CRYBG1: variants seen among roughly 807,000 people sequenced by gnomAD.
CRYBG1 encodes the protein crystallin beta-gamma domain containing 1, also known as beta/gamma crystallin domain-containing protein 1.
In CRYBG1, 139 loss-of-function variants were observed where a neutral mutation model predicts 189.2. The observed-to-expected ratio is 0.73, with a 90% CI of 0.64 to 0.85. CRYBG1 has a LOEUF of 0.85. Ranked by LOEUF, CRYBG1 falls within the 40% of genes least tolerant of loss-of-function variation. The pLI is 0.00. For synonymous variants in CRYBG1, 1,023 were observed against 1,017.1 expected (o/e 1.01, Z -0.11); for missense variants, 2,611 against 2,675.8 (o/e 0.98, Z 0.53).
chr6:106,531,550 C>T (rs1417674350), intron 8 of CRYBG1, among the ~76,000 whole-genome samples: 2 of 152,190 alleles, frequency 1.3e-5, no homozygotes, highest in Non-Finnish European at 2.9e-5. Context: ...AAGAGTTTCT[C>T]ATCGCAGGGA....
At chr6:106,439,195 G>T (rs944517483) in intron 1 of CRYBG1, among the ~76,000 whole-genome samples, 8 of 151,864 alleles carry the variant, frequency 5.3e-5, no homozygotes, top group Admixed American at 5.2e-4. Context: ...TCAGTAAAAA[G>T]CAACTATCAA....
rs562063375 is a variant in CRYBG1, at chr6:106,414,471, A to G, written c.174-37223A>G. ...GCAGACTATCAAGTTTTTCTCTACT[A>G]CAAAGGAGGTCAATGATGCTAGAAG... On this transcript the variant is annotated intron_variant, in intron 1 of 21. Coordinates refer to ENST00000633556, the MANE Select transcript of CRYBG1 (RefSeq NM_001371242.2). Among the ~76,000 whole-genome samples the G allele has an allele frequency of 3.3e-5, 5 of 152,354 alleles. No homozygotes were observed. In the East Asian group the frequency reaches 7.7e-4, roughly 23 times the overall value.
intron 2 of CRYBG1, among the ~76,000 whole-genome samples, chr6:106,466,156 A>G (rs1772110980): frequency 6.6e-6 from 1 of 152,226 alleles, no homozygotes; most frequent in African/African-American, 2.4e-5. Context: ...TATTTGAAAT[A>G]GCAAATATTT....
chr6:106,569,235 G>GAGTT lies in CRYBG1; in HGVS notation c.*671_*674dup, dbSNP rs1276782996. ...CTGGTAACATTTGTTAGTAGGATTTGAGTTATTATTTTTTGAGACAGGATC... is the reference window on the plus strand; with the variant it reads ...CTGGTAACATTTGTTAGTAGGATTTGAGTTAGTTATTATTTTTTGAGACAGGATC... On this transcript the variant is annotated 3_prime_UTR_variant, in exon 22 of 22. Coordinates refer to ENST00000633556, the MANE Select transcript of CRYBG1 (RefSeq NM_001371242.2). 2.0e-5 allele frequency: 3 copies of GAGTT among 152,060 alleles called. No homozygotes were observed. Among genetic ancestry groups the GAGTT allele is most frequent in the Admixed American group, 6.6e-5 (1 of 15,250 alleles). The allele number at this position is 152,060 out of a possible 1,614,324, so 9.4% of individuals were successfully genotyped here.
rs1775022334 is a variant in CRYBG1 at position 106,570,314 on chromosome 6, A to G, written c.*1748A>G. 1 of 152,224 alleles carries G rather than the reference A, an allele frequency of 6.6e-6. No homozygotes were observed. The highest frequency in any genetic ancestry group is 2.4e-5 in the African/African-American group (1 of 41,452). 9.4% of individuals were successfully genotyped at this position (152,224 alleles called of 1,614,324 possible). ...TGGTGCATGTACAACAGCATCCAAC[A>G]TATCTGTCTTGTTCCTAGATATATA... On this transcript the variant is annotated 3_prime_UTR_variant, in exon 22 of 22. Transcript: ENST00000633556.
intron 2 of CRYBG1, among the ~76,000 whole-genome samples, chr6:106,474,971 T>C (rs1772306904): frequency 1.3e-5 from 2 of 152,220 alleles, no homozygotes; most frequent in South Asian, 4.1e-4. Context: ...AGGTAGATTT[T>C]TTAAAAACAA....
At chr6:106,376,856 CAGA>C (rs1770174892) in intron 1 of CRYBG1, among the ~76,000 whole-genome samples, 1 of 152,096 alleles carries the variant, frequency 6.6e-6, no homozygotes, top group African/African-American at 2.4e-5. Flanking sequence ...CTTTGTACTG[CAGA>C]AGGATAAAAG....
intron 1 of CRYBG1, among the ~76,000 whole-genome samples, chr6:106,385,721 TC>T (rs1375161298): frequency 1.4e-4 from 22 of 152,240 alleles, no homozygotes; most frequent in Admixed American, 1.4e-3. Flanking sequence ...CAATTATGTT[TC>T]AATATCCTAT....
At chr6:106,492,912 A>G (rs75602587) in intron 2 of CRYBG1, among the ~76,000 whole-genome samples, 3,057 of 152,210 alleles carry the variant, frequency 0.02, 101 homozygotes, top group African/African-American at 0.07. Flanking sequence ...CTGTAAATAT[A>G]GTCATGGTAG....
intron 2 of CRYBG1, among the ~76,000 whole-genome samples, chr6:106,483,401 T>TATATATATGTATATATATATATATATATA: frequency 1.0e-5 from 1 of 95,598 alleles, no homozygotes; most frequent in Non-Finnish European, 2.5e-5. Context: ...GATATATATA[T>TATATATATGTATATATATATATATATATA]AAAACATTTT....
rs1412802408 is a variant in CRYBG1 at position 106,550,353 on chromosome 6, T to TGA, written c.5313-1495_5313-1494dup. ...ACATAGATATTATTCCTTTAAGCTTTGAGAGGATCATGAGAATGATGAATT... is the reference window on the plus strand; with the variant it reads ...ACATAGATATTATTCCTTTAAGCTTTGAGAGAGGATCATGAGAATGATGAATT... On this transcript the variant is annotated intron_variant, in intron 13 of 21. Transcript: ENST00000633556. Among the ~76,000 whole-genome samples, 3 of 152,340 alleles carry TGA rather than the reference T, an allele frequency of 2.0e-5. No individual in the cohort carries two copies. The East Asian group carries it at 5.8e-4, about 29-fold the overall frequency.
intron 15 of CRYBG1, among the ~76,000 whole-genome samples, chr6:106,552,599 A>G (rs1774433187): frequency 1.4e-5 from 2 of 146,662 alleles, no homozygotes; most frequent in Admixed American, 6.9e-5. Context: ...AAAAAAAAAA[A>G]AAAAAAAAAA....
At chr6:106,482,639 G>T (rs1772493234) in intron 2 of CRYBG1, among the ~76,000 whole-genome samples, 1 of 152,114 alleles carries the variant, frequency 6.6e-6, no homozygotes, top group Non-Finnish European at 1.5e-5. Context: ...GCTGGGCGTG[G>T]TGGCGGGCAC....
intron 1 of CRYBG1, among the ~76,000 whole-genome samples, chr6:106,413,212 G>T (rs1350545978): frequency 6.6e-6 from 1 of 152,140 alleles, no homozygotes; most frequent in Non-Finnish European, 1.5e-5. Context: ...TGTGAAATCA[G>T]TATATTTCAT....
intron 1 of CRYBG1, among the ~76,000 whole-genome samples, chr6:106,421,257 T>C (rs1163965365): frequency 2.0e-5 from 3 of 152,124 alleles, no homozygotes; most frequent in Admixed American, 6.5e-5. Flanking sequence ...GATATGAGCA[T>C]AAGAATGGAG....
chr6:106,422,006 C>T (rs1771131390), intron 1 of CRYBG1, among the ~76,000 whole-genome samples: 1 of 152,186 alleles, frequency 6.6e-6, no homozygotes, highest in East Asian at 1.9e-4. Flanking sequence ...AGTCATCTCC[C>T]ACCAGGTCCC....
intron 2 of CRYBG1, 143 bp from the exon 3 acceptor site, chr6:106,511,287 G>A: frequency 1.2e-6 from 1 of 822,292 alleles, no homozygotes; most frequent in East Asian, 2.8e-5. Flanking sequence ...TTGTTGGAAT[G>A]AATGTAACAT....
At chr6:106,452,995 A>G (rs568473785) in intron 2 of CRYBG1, among the ~76,000 whole-genome samples, 91 of 152,362 alleles carry the variant, frequency 6.0e-4, no homozygotes, top group African/African-American at 2.0e-3. Flanking sequence ...CCATCCCAAA[A>G]GACATTTGCT....
At chr6:106,416,536 T>C (rs1771024441) in intron 1 of CRYBG1, among the ~76,000 whole-genome samples, 1 of 152,270 alleles carries the variant, frequency 6.6e-6, no homozygotes, top group South Asian at 2.1e-4. Context: ...TTAGTACCTC[T>C]GGCACAGATT....
Sources: allele counts gnomAD v4.1 joint callset (sites outside exome capture counted in the v4.1 genomes callset), GRCh38; gene constraint gnomAD v4.1.1; transcripts MANE v1.5; gene names NCBI Gene and HGNC (gene_info 2026-07-23, HGNC 2026-07-21).